The following PRAG1 variants were observed in gnomAD, a reference collection of about 807,000 sequenced individuals.
The protein encoded by PRAG1 is PEAK1 related, kinase-activating pseudokinase 1, also known as inactive tyrosine-protein kinase PRAG1.
A neutral mutation model predicts 95.6 loss-of-function variants in PRAG1; 110 were observed. That is an observed-to-expected ratio of 1.15 (90% CI 0.99 to 1.35). The LOEUF is 1.35. Among genes scored for constraint, PRAG1 ranks in the 40% most tolerant of loss-of-function variants. PRAG1 has a pLI of 0.00. For synonymous variants in PRAG1, 1,052 were observed against 819.4 expected (o/e 1.28, Z -4.85); for missense variants, 2,554 against 1,864.7 (o/e 1.37, Z -6.81).
At chr8:8,326,224 T>C (rs923756740) in intron 5 of PRAG1, among the ~76,000 whole-genome samples, 1 of 148,064 alleles carries the variant, frequency 6.8e-6, no homozygotes, top group African/African-American at 2.4e-5. Context: ...ACAACTACTA[T>C]ATATTATTTA....
In PRAG1 at chr8:8,318,944, C is replaced by T; in HGVS notation, c.3431G>A (p.Arg1144Gln). Residue 1144 changes from arginine to glutamine, a missense_variant, in exon 6 of 6, where the codon CGG becomes CAG. Transcript: ENST00000615670. The surrounding 1 kb of genome is among the most constrained non-coding windows in gnomAD (Gnocchi z 4.2). Reference sequence around the variant, plus strand: ...CAGCAGGTTCTCCAGGCACAGGTCCCGGTGGATGATCCCGTGCTCCTTCAG... The same window carrying T: ...CAGCAGGTTCTCCAGGCACAGGTCCTGGTGGATGATCCCGTGCTCCTTCAG... ...EHLKEHGIIH[R>Q]DLCLENLLLV... is the part of the protein sequence containing the mutation. 4 of 1,612,540 alleles carry T rather than the reference C, an allele frequency of 2.5e-6. No individual in the cohort carries two copies. Among genetic ancestry groups the T allele is most frequent in the Admixed American group, 1.7e-5 (1 of 59,964 alleles).
intron 4 of PRAG1, among the ~76,000 whole-genome samples, chr8:8,334,739 ATAATCATTAATGGTTTTCT>A (rs1358256113): frequency 6.6e-6 from 1 of 151,034 alleles, no homozygotes; most frequent in Non-Finnish European, 1.5e-5. Context: ...CTGTTATAAC[ATAATCATTAATGGTTTTCT>A]TCCGAGTTAG....
At chr8:8,367,882 C>G (rs1329015784) in intron 3 of PRAG1, among the ~76,000 whole-genome samples, 3 of 152,126 alleles carry the variant, frequency 2.0e-5, no homozygotes. Flanking sequence ...ACCTCGTGAT[C>G]CACCTGCCTC....
chr8:8,369,521 T>C (rs1277219611), intron 3 of PRAG1, among the ~76,000 whole-genome samples: 1 of 152,160 alleles, frequency 6.6e-6, no homozygotes, highest in East Asian at 1.9e-4. Context: ...AGGAGTCAGG[T>C]GCCTTTCTGG....
At chr8:8,341,604 A>G (rs1419701485) in intron 3 of PRAG1, among the ~76,000 whole-genome samples, 1 of 152,202 alleles carries the variant, frequency 6.6e-6, no homozygotes, top group Non-Finnish European at 1.5e-5. Context: ...ATGGGAAAAA[A>G]ATCATATCAT....
Position 8,377,837 on chromosome 8 carries a change from T to C in PRAG1, c.572A>G (p.Glu191Gly). The part of the protein sequence containing the change: ...SFPEEKAVHK[E>G]KPSFPYQDRP... ...GTCTTGGTAAGGAAATGAGGGTTTT[T>C]CTTTGTGCACAGCCTTCTCCTCCGG... The change falls in exon 3 of 6, where the codon GAA (glutamate) becomes GGA (glycine). Residue 191 changes from glutamate to glycine, a missense_variant. Physicochemically the swap from Glu to Gly is moderately conservative, Grantham distance 98. Transcript: ENST00000615670. The C allele has an allele frequency of 1.9e-6, 3 of 1,614,128 alleles. No individual in the cohort carries two copies. Among genetic ancestry groups the C allele is most frequent in the Non-Finnish European group, 2.5e-6 (3 of 1,180,040 alleles).
intron 2 of PRAG1, 137 bp from the exon 3 acceptor site, chr8:8,378,215 G>T: frequency 1.0e-6 from 1 of 989,500 alleles, no homozygotes; most frequent in South Asian, 1.9e-5. Context: ...TGGGGCCGGG[G>T]ACTCAGTGCA....
intron 1 of PRAG1, among the ~76,000 whole-genome samples, chr8:8,383,218 CA>C (rs1489272504): frequency 1.3e-5 from 2 of 152,140 alleles, no homozygotes. Context: ...CACTCATAGA[CA>C]GGGGTGTTCA....
rs539668574 is a variant in PRAG1, at chr8:8,327,643, C to G, written c.3072+67G>C. On this transcript the variant is annotated intron_variant, in intron 5 of 5. Transcript: ENST00000615670. ...AGACAGGTGAAATGACTTGCTCAGG[C>G]CACAGTTCTGCCCAAGCCAGCACCA... The G allele has an allele frequency of 7.2e-6, 11 of 1,532,728 alleles. No individual in the cohort carries two copies. The East Asian group carries it at 2.5e-4, about 35-fold the overall frequency. 94.9% of individuals were successfully genotyped at this position (1,532,728 alleles called of 1,614,324 possible). A position where few individuals can be genotyped will look rare whatever the true frequency, so the allele number is the denominator to read the frequency against.
chr8:8,381,326 C>G (rs1254268976), intron 2 of PRAG1, 92 bp downstream of exon 2: 1 of 1,329,478 alleles, frequency 7.5e-7, no homozygotes, highest in African/African-American at 1.5e-5. Context: ...AGGTTTCTTG[C>G]TGGAACAGCC....
intron 3 of PRAG1, among the ~76,000 whole-genome samples, chr8:8,362,608 C>G (rs1224239584): frequency 6.6e-6 from 1 of 152,104 alleles, no homozygotes; most frequent in Non-Finnish European, 1.5e-5. Flanking sequence ...TGGATGAGCC[C>G]CCAAACTGTT....
intron 3 of PRAG1, among the ~76,000 whole-genome samples, chr8:8,375,082 A>G (rs1403783715): frequency 6.6e-6 from 1 of 152,118 alleles, no homozygotes; most frequent in East Asian, 1.9e-4. Context: ...AATAACTAAA[A>G]AAAAAAAAAA....
intron 3 of PRAG1, among the ~76,000 whole-genome samples, chr8:8,347,584 ACT>A (rs35950762): frequency 0.054 from 8,146 of 151,696 alleles, 347 homozygotes; most frequent in Non-Finnish European, 0.09. Flanking sequence ...GGATAAGAAC[ACT>A]CTGTTTTTAA....
rs762141196 is a variant in PRAG1 at position 8,327,855 on chromosome 8, C to T, written c.2927G>A (p.Gly976Asp). 4.6e-5 allele frequency: 74 copies of T among 1,614,100 alleles called. No individual in the cohort carries two copies. The highest frequency in any genetic ancestry group is 1.5e-4 in the Admixed American group (9 of 60,012). The change falls in exon 5 of 6, where the codon GGC (glycine) becomes GAC (aspartate). Residue 976 changes from glycine (G) to aspartate (D), a missense_variant. Transcript: ENST00000615670. ...LVAKCEDLFM[G>D]GQKKELHFNE... ...GAAGTGGAGCTCCTTTTTCTGGCCG[C>T]CCATGAAGAGGTCCTCACATTTGGC...
chr8:8,348,131 G>A (rs1277229414), intron 3 of PRAG1, among the ~76,000 whole-genome samples: 3 of 152,172 alleles, frequency 2.0e-5, no homozygotes, highest in African/African-American at 4.8e-5. Flanking sequence ...TGGCTAGGCT[G>A]GTCCCGAACT....
chr8:8,349,225 G>A (rs1799440203), intron 3 of PRAG1, among the ~76,000 whole-genome samples: 1 of 152,078 alleles, frequency 6.6e-6, no homozygotes, highest in South Asian at 2.1e-4. Flanking sequence ...GAGAAAGGCA[G>A]ATAACTAAGC....
chr8:8,362,281 T>A (rs553133216), intron 3 of PRAG1, among the ~76,000 whole-genome samples: 1 of 152,342 alleles, frequency 6.6e-6, no homozygotes, highest in South Asian at 2.1e-4. Context: ...GCAGGACTTG[T>A]CACCATCCAC....
intron 3 of PRAG1, among the ~76,000 whole-genome samples, chr8:8,352,387 A>T (rs1799551865): frequency 6.6e-6 from 1 of 152,186 alleles, no homozygotes; most frequent in Admixed American, 6.5e-5. Context: ...CAGGCAGCCC[A>T]GTGCTTCTCC....
intron 1 of PRAG1, among the ~76,000 whole-genome samples, chr8:8,382,215 C>T (rs1478448705): frequency 2.0e-5 from 3 of 152,114 alleles, no homozygotes; most frequent in Non-Finnish European, 4.4e-5. Context: ...ACACCGGGGC[C>T]TAGAGTCTGG....
Sources: allele counts gnomAD v4.1 joint callset (sites outside exome capture counted in the v4.1 genomes callset), GRCh38; gene constraint gnomAD v4.1.1; non-coding constraint Gnocchi (gnomAD v3.1); transcripts MANE v1.5; gene names NCBI Gene and HGNC (gene_info 2026-07-23, HGNC 2026-07-21).